Variants in FGF14 observed in about 807,000 individuals in gnomAD.
The protein encoded by FGF14 is fibroblast growth factor 14, also known as fibroblast growth factor homologous factor 4.
A neutral mutation model predicts 25.5 loss-of-function variants in FGF14; 5 were observed. The ratio of observed to expected loss-of-function variants is 0.20; its 90% CI spans 0.10 to 0.41. The LOEUF (loss-of-function observed/expected upper bound fraction) is 0.41, where lower values mean the gene tolerates loss of function less well. FGF14 is among the 10% of genes least tolerant of loss of function. The pLI, the probability that FGF14 is intolerant of heterozygous loss-of-function variation, is 1.00. For missense variants in FGF14, 222 were observed against 320.1 expected (o/e 0.69, Z 2.34); for synonymous variants, 138 against 118.3 (o/e 1.17, Z -1.08).
chr13:102,269,294 G>T (rs1425921956), intron 1 of FGF14, among the ~76,000 whole-genome samples: 2 of 152,152 alleles, frequency 1.3e-5, no homozygotes, highest in Non-Finnish European at 2.9e-5. Flanking sequence ...AAAGTTCTTC[G>T]TGTTAACTCT....
intron 1 of FGF14, among the ~76,000 whole-genome samples, chr13:101,915,550 G>A (rs1018700276): frequency 5.3e-5 from 8 of 152,234 alleles, no homozygotes; most frequent in Admixed American, 2.0e-4. Flanking sequence ...TGCAGAGACA[G>A]GCAGAGAGAG....
chr13:101,804,833 A>G (rs2390653), intron 3 of FGF14, among the ~76,000 whole-genome samples: 2 of 151,964 alleles, frequency 1.3e-5, no homozygotes, highest in African/African-American at 4.8e-5. Context: ...TAAGAAAATT[A>G]TATCTTTGAT....
chr13:101,897,868 T>C (rs555204258), intron 1 of FGF14, among the ~76,000 whole-genome samples: 1 of 152,148 alleles, frequency 6.6e-6, no homozygotes, highest in Non-Finnish European at 1.5e-5. Context: ...TAAATGTTCA[T>C]TGAAGCCTTT....
chr13:102,389,655 A>T (rs998490673), intron 1 of FGF14, among the ~76,000 whole-genome samples: 1 of 152,206 alleles, frequency 6.6e-6, no homozygotes, highest in Non-Finnish European at 1.5e-5. Context: ...CCCTGCAGAG[A>T]AAGATTAGGC....
In FGF14 at chr13:101,719,470, A is replaced by G. The variant is rs1452534579; in HGVS notation, c.*3361T>C. 6.6e-6 allele frequency: 1 copy of G among 152,106 alleles called. No individual in the cohort carries two copies. Among genetic ancestry groups the G allele is most frequent in the East Asian group, 1.9e-4 (1 of 5,178 alleles). The allele number at this position is 152,106 out of a possible 1,614,324, so 9.4% of individuals were successfully genotyped here. ...ATTCTTCAGGATTTGTAATGAAATG[A>G]TGTTCAGTTCCATTTTGCTCTTTAC... On this transcript the variant is annotated 3_prime_UTR_variant, in exon 5 of 5. Transcript: ENST00000376143.
chr13:102,189,756 C>G (rs1216758129), intron 1 of FGF14, among the ~76,000 whole-genome samples: 1 of 152,120 alleles, frequency 6.6e-6, no homozygotes, highest in Non-Finnish European at 1.5e-5. Context: ...AAGCATGGCA[C>G]CAGCATCTGC....
intron 1 of FGF14, among the ~76,000 whole-genome samples, chr13:102,334,544 T>G (rs142877177): frequency 6.6e-6 from 1 of 152,112 alleles, no homozygotes; most frequent in African/African-American, 2.4e-5. Flanking sequence ...AAATGAGATG[T>G]TCTCTTTTGC....
At chr13:102,354,584 T>A (rs909259481) in intron 1 of FGF14, among the ~76,000 whole-genome samples, 3 of 152,174 alleles carry the variant, frequency 2.0e-5, no homozygotes, top group South Asian at 2.1e-4. Flanking sequence ...CCAGCCACAT[T>A]GGGCACGTGT....
chr13:101,945,068 C>A (rs1005012394), intron 1 of FGF14, among the ~76,000 whole-genome samples: 1 of 152,164 alleles, frequency 6.6e-6, no homozygotes, highest in African/African-American at 2.4e-5. Context: ...GTAATCCCAG[C>A]GCTTTGGGAG....
chr13:102,119,427 G>T (rs2045617532), intron 1 of FGF14, among the ~76,000 whole-genome samples: 1 of 151,992 alleles, frequency 6.6e-6, no homozygotes, highest in South Asian at 2.1e-4. Flanking sequence ...ATTGGATCCT[G>T]GATAAGAAAA....
At chr13:102,290,721 T>C (rs2054344365) in intron 1 of FGF14, among the ~76,000 whole-genome samples, 1 of 152,172 alleles carries the variant, frequency 6.6e-6, no homozygotes, top group Admixed American at 6.6e-5. Flanking sequence ...GAGTAAGTGA[T>C]AGGGTACAGC....
intron 1 of FGF14, among the ~76,000 whole-genome samples, chr13:102,157,798 C>T (rs1422206456): frequency 6.6e-6 from 1 of 152,292 alleles, no homozygotes; most frequent in Admixed American, 6.5e-5. Flanking sequence ...TATCCAGAAT[C>T]TACAAAGAAC....
chr13:102,134,940 C>T (rs506528), intron 1 of FGF14, among the ~76,000 whole-genome samples: 9,748 of 151,734 alleles, frequency 0.064, 1,063 homozygotes, highest in African/African-American at 0.22. Flanking sequence ...TCCCAGCAAT[C>T]TGGGAGGCCG....
rs140648683 is a variant in FGF14, at chr13:101,713,312, G to A, written c.*9519C>T. 51 of 152,196 alleles carry A rather than the reference G, an allele frequency of 3.4e-4. 1 individual carries two copies. Among genetic ancestry groups the A allele is most frequent in the African/African-American group, 1.0e-3 (43 of 41,508 alleles). 9.4% of individuals were successfully genotyped at this position (152,196 alleles called of 1,614,324 possible). Reference sequence around the variant, plus strand: ...CTGTTAACTCATTTTTAATCACTGTGTTTTAAAAGAAGCACTAATGATTGA... The same window carrying A: ...CTGTTAACTCATTTTTAATCACTGTATTTTAAAAGAAGCACTAATGATTGA... On this transcript the variant is annotated 3_prime_UTR_variant, in exon 5 of 5. Coordinates refer to ENST00000376143, the MANE Select transcript of FGF14 (RefSeq NM_004115.4).
rs146531672 is a variant in FGF14, at chr13:101,749,130, G to A, written c.409-22320C>T. 6.1e-3 allele frequency among the ~76,000 whole-genome samples: 921 copies of A among 152,188 alleles called. 8 individuals carry two copies. Among genetic ancestry groups the A allele is most frequent in the African/African-American group, 0.021 (877 of 41,572 alleles). Reference sequence around the variant, plus strand: ...TAGCTAAATTCATAGAAACAAATTAGAATTGCGGTTGCCGGTGGCTAGGGA... The same window carrying A: ...TAGCTAAATTCATAGAAACAAATTAAAATTGCGGTTGCCGGTGGCTAGGGA... On this transcript the variant is annotated intron_variant, in intron 3 of 4. Transcript: ENST00000376143.
intron 1 of FGF14, among the ~76,000 whole-genome samples, chr13:101,914,124 C>A (rs1047749370): frequency 2.0e-5 from 3 of 151,456 alleles, no homozygotes; most frequent in African/African-American, 7.3e-5. Context: ...GAGGGCAATT[C>A]CCTATGTAAA....
intron 1 of FGF14, among the ~76,000 whole-genome samples, chr13:101,937,884 C>T (rs764375596): frequency 6.6e-6 from 1 of 152,184 alleles, no homozygotes; most frequent in Non-Finnish European, 1.5e-5. Context: ...AGGCATGAGG[C>T]ACCGTGCCCA....
chr13:102,283,182 T>A (rs774435384), intron 1 of FGF14, among the ~76,000 whole-genome samples: 4 of 152,204 alleles, frequency 2.6e-5, no homozygotes, highest in Non-Finnish European at 5.9e-5. Flanking sequence ...ATTGCACTCT[T>A]TTGAGCAAAT....
chr13:102,102,716 C>T (rs1566687494), intron 1 of FGF14, among the ~76,000 whole-genome samples: 1 of 152,318 alleles, frequency 6.6e-6, no homozygotes, highest in East Asian at 1.9e-4. Context: ...CTTTCATATG[C>T]ATTTTTCATG....
Sources: allele counts gnomAD v4.1 joint callset (sites outside exome capture counted in the v4.1 genomes callset), GRCh38; gene constraint gnomAD v4.1.1; transcripts MANE v1.5; gene names NCBI Gene and HGNC (gene_info 2026-07-23, HGNC 2026-07-21).